Variants in ZNF804B observed in about 807,000 individuals in gnomAD.
ZNF804B encodes zinc finger protein 804B.
In ZNF804B, 80 loss-of-function variants were observed where a neutral mutation model predicts 101.4. The observed-to-expected ratio is 0.79, with a 90% CI of 0.66 to 0.95. The LOEUF (loss-of-function observed/expected upper bound fraction) is 0.95. ZNF804B is among the 40% of genes least tolerant of loss of function. The pLI is 0.00. For synonymous variants in ZNF804B, 622 were observed against 558.8 expected, an observed-to-expected ratio of 1.11 and a Z score of -1.59; for missense variants, 1,673 against 1,561.9, an observed-to-expected ratio of 1.07 and a Z score of -1.20.
At chr7:89,319,656 A>G (rs906831071) in intron 2 of ZNF804B, among the ~76,000 whole-genome samples, 3 of 152,200 alleles carry the variant, frequency 2.0e-5, no homozygotes, top group Admixed American at 6.5e-5. Context: ...CACAGTAGCA[A>G]TGTACTTCTG....
intron 1 of ZNF804B, among the ~76,000 whole-genome samples, chr7:88,889,884 C>G (rs1792190860): frequency 6.6e-6 from 1 of 151,986 alleles, no homozygotes; most frequent in Non-Finnish European, 1.5e-5. Flanking sequence ...CCTAGCTTTT[C>G]TTCTAGGATT....
At chr7:89,062,960 T>G (rs1349196908) in intron 1 of ZNF804B, among the ~76,000 whole-genome samples, 1 of 152,146 alleles carries the variant, frequency 6.6e-6, no homozygotes, top group East Asian at 1.9e-4. Flanking sequence ...TACTTTGCCC[T>G]TATTAGCTTT....
intron 2 of ZNF804B, among the ~76,000 whole-genome samples, chr7:89,295,976 T>C (rs1009060412): frequency 2.6e-5 from 4 of 152,078 alleles, no homozygotes; most frequent in Admixed American, 2.6e-4. Flanking sequence ...CAGAGTGGTA[T>C]AATGGACTTT....
intron 2 of ZNF804B, among the ~76,000 whole-genome samples, chr7:89,280,562 A>G (rs545408000): frequency 6.6e-6 from 1 of 152,342 alleles, no homozygotes; most frequent in African/African-American, 2.4e-5. Flanking sequence ...ATAAAAAATG[A>G]TAAAGGGGAT....
chr7:88,956,894 C>G (rs1793318042), intron 1 of ZNF804B, among the ~76,000 whole-genome samples: 1 of 151,484 alleles, frequency 6.6e-6, no homozygotes, highest in Non-Finnish European at 1.5e-5. Flanking sequence ...GCTTCAATTT[C>G]AGACAGAGCA....
intron 1 of ZNF804B, among the ~76,000 whole-genome samples, chr7:89,007,994 A>C (rs1788395439): frequency 6.6e-6 from 1 of 152,144 alleles, no homozygotes; most frequent in South Asian, 2.1e-4. Flanking sequence ...TCTATGAACA[A>C]TAATTATTCT....
chr7:89,143,852 C>T (rs1229887188), intron 1 of ZNF804B, among the ~76,000 whole-genome samples: 1 of 151,924 alleles, frequency 6.6e-6, no homozygotes, highest in Admixed American at 6.6e-5. Flanking sequence ...ATGCATTTTT[C>T]ATGAACTTTT....
chr7:89,235,189 A>G (rs1252327847), intron 2 of ZNF804B, among the ~76,000 whole-genome samples: 1 of 152,232 alleles, frequency 6.6e-6, no homozygotes, highest in African/African-American at 2.4e-5. Context: ...AAGTAAAAAT[A>G]TAATCAAACC....
intron 1 of ZNF804B, among the ~76,000 whole-genome samples, chr7:88,963,773 A>G (rs544530385): frequency 1.3e-5 from 2 of 151,518 alleles, no homozygotes; most frequent in African/African-American, 4.8e-5. Flanking sequence ...TCTGTAAATC[A>G]TATACCTGAC....
At chr7:89,076,411 A>G (rs569912752) in intron 1 of ZNF804B, among the ~76,000 whole-genome samples, 1 of 152,154 alleles carries the variant, frequency 6.6e-6, no homozygotes, top group Non-Finnish European at 1.5e-5. Context: ...AACTCCATCC[A>G]TGTAAGACGT....
At chr7:89,252,989 A>G (rs1789565494) in intron 2 of ZNF804B, among the ~76,000 whole-genome samples, 2 of 152,204 alleles carry the variant, frequency 1.3e-5, no homozygotes, top group African/African-American at 4.8e-5. Flanking sequence ...CCCAGGTAAC[A>G]AACCTGCATG....
chr7:88,840,601 C>T (rs28703813), intron 1 of ZNF804B, among the ~76,000 whole-genome samples: 5,940 of 151,676 alleles, frequency 0.039, 405 homozygotes, highest in African/African-American at 0.14. Flanking sequence ...AACTCAACTT[C>T]ATTTGTAGGA....
chr7:89,115,496 A>G (rs566657648), intron 1 of ZNF804B, among the ~76,000 whole-genome samples: 9 of 152,346 alleles, frequency 5.9e-5, no homozygotes, highest in African/African-American at 1.7e-4. Context: ...AGTAGGAGAC[A>G]GGGTCATACA....
At chr7:89,002,329 A>G (rs1788302705) in intron 1 of ZNF804B, among the ~76,000 whole-genome samples, 1 of 151,862 alleles carries the variant, frequency 6.6e-6, no homozygotes, top group African/African-American at 2.4e-5. Context: ...AAAAATAGTT[A>G]AAAATTTTTG....
chr7:89,014,791 C>A (rs1788518174), intron 1 of ZNF804B, among the ~76,000 whole-genome samples: 1 of 152,126 alleles, frequency 6.6e-6, no homozygotes, highest in Non-Finnish European at 1.5e-5. Context: ...CATTTTCTCC[C>A]ATTTCATAGG....
chr7:88,909,687 C>T (rs560383733), intron 1 of ZNF804B, among the ~76,000 whole-genome samples: 4 of 151,728 alleles, frequency 2.6e-5, no homozygotes, highest in Non-Finnish European at 5.9e-5. Context: ...CTCTTATTTC[C>T]TAGCAATCAA....
intron 1 of ZNF804B, among the ~76,000 whole-genome samples, chr7:89,155,514 T>C (rs1391763069): frequency 6.6e-6 from 1 of 152,182 alleles, no homozygotes; most frequent in East Asian, 1.9e-4. Context: ...ATCTGTCCTG[T>C]ACTCTGCTGT....
intron 1 of ZNF804B, among the ~76,000 whole-genome samples, chr7:89,021,256 A>C (rs1408401410): frequency 6.6e-6 from 1 of 152,186 alleles, no homozygotes; most frequent in Non-Finnish European, 1.5e-5. Context: ...CAAATGTCTC[A>C]GTGGCCTGGG....
At chr7:89,284,503 G>A (rs1790151628) in intron 2 of ZNF804B, among the ~76,000 whole-genome samples, 1 of 152,134 alleles carries the variant, frequency 6.6e-6, no homozygotes, top group Non-Finnish European at 1.5e-5. Context: ...ACTATTTGAT[G>A]ATAAATGAAC....
Sources: gnomAD v4.1 joint callset for allele counts (sites outside exome capture counted in the v4.1 genomes callset) on GRCh38, gnomAD v4.1.1 for gene constraint, MANE v1.5 for transcripts, NCBI Gene and HGNC (gene_info 2026-07-23, HGNC 2026-07-21) for gene names.